KCNMA1: variants seen among roughly 807,000 people sequenced by gnomAD.
The protein encoded by KCNMA1 is potassium calcium-activated channel subfamily M alpha 1, also known as Calcium-activated potassium channel subunit alpha-1.
A neutral mutation model predicts 140.0 loss-of-function variants in KCNMA1; 29 were observed. The ratio of observed to expected loss-of-function variants is 0.21; its 90% CI spans 0.15 to 0.28. The LOEUF (loss-of-function observed/expected upper bound fraction) is 0.28. KCNMA1 is among the 10% of genes least tolerant of loss of function. The probability of loss-of-function intolerance (pLI) is 1.00; values close to 1 mark genes in which losing one functional copy is unlikely to be tolerated. For missense variants in KCNMA1, 880 were observed against 1,602.2 expected (o/e 0.55, Z 7.70); for synonymous variants, 612 against 611.9 (o/e 1.00, Z 0.00).
intron 5 of KCNMA1, among the ~76,000 whole-genome samples, chr10:77,183,173 C>T (rs1243446343): frequency 6.6e-6 from 1 of 152,198 alleles, no homozygotes; most frequent in Non-Finnish European, 1.5e-5. Context: ...CTGGCTGTGA[C>T]AGTGATGACC....
intron 2 of KCNMA1, among the ~76,000 whole-genome samples, chr10:77,291,624 C>T (rs1472493183): frequency 2.6e-5 from 4 of 152,074 alleles, no homozygotes; most frequent in African/African-American, 4.8e-5. Context: ...AGTCGCCTTC[C>T]GTGGAGAATA....
intron 1 of KCNMA1, among the ~76,000 whole-genome samples, chr10:77,584,487 T>C (rs544993357): frequency 1.3e-5 from 2 of 152,258 alleles, no homozygotes; most frequent in South Asian, 4.1e-4. Context: ...CCAGAGTAGC[T>C]GGGACTACAG....
chr10:77,153,010 T>C (rs1280166202), intron 5 of KCNMA1, among the ~76,000 whole-genome samples: 2 of 152,108 alleles, frequency 1.3e-5, no homozygotes, highest in Non-Finnish European at 2.9e-5. Flanking sequence ...TCAGGTAGAA[T>C]ACAGTCTCAA....
intron 21 of KCNMA1, among the ~76,000 whole-genome samples, chr10:76,953,097 G>A (rs1457281033): frequency 1.3e-5 from 2 of 152,164 alleles, no homozygotes; most frequent in East Asian, 3.8e-4. Context: ...CTGCTATGAA[G>A]ATGTTCACAA....
At chr10:77,287,718 C>A (rs2071556798) in intron 2 of KCNMA1, among the ~76,000 whole-genome samples, 1 of 152,142 alleles carries the variant, frequency 6.6e-6, no homozygotes, top group Non-Finnish European at 1.5e-5. Flanking sequence ...AGCACCAAGA[C>A]ACATGTGCAA....
chr10:77,405,388 G>A lies in KCNMA1; in HGVS notation c.379-1365C>T, dbSNP rs528712090. Among the ~76,000 whole-genome samples the A allele has an allele frequency of 3.3e-5, 5 of 152,326 alleles. No individual in the cohort carries two copies. The South Asian group carries it at 1.0e-3, about 32-fold the overall frequency. ...CTGCAGCCTTGGTGCCTAATAGAGT[G>A]TCTGGGACAGAGTTGGCTCAATAAC... On this transcript the variant is annotated intron_variant, in intron 1 of 27. Transcript: ENST00000286628.
chr10:77,316,351 A>T (rs921991423), intron 2 of KCNMA1, among the ~76,000 whole-genome samples: 3 of 152,228 alleles, frequency 2.0e-5, no homozygotes, highest in Non-Finnish European at 4.4e-5. Flanking sequence ...TGACCTTGGA[A>T]ATGTCCTCAG....
chr10:77,567,209 G>A (rs774775016), intron 1 of KCNMA1, among the ~76,000 whole-genome samples: 6 of 152,220 alleles, frequency 3.9e-5, no homozygotes, highest in East Asian at 1.9e-4. Flanking sequence ...TTCCCAAGGC[G>A]GGGGATTAGA....
At chr10:77,096,043 G>A (rs768529957) in intron 9 of KCNMA1, among the ~76,000 whole-genome samples, 52 of 152,234 alleles carry the variant, frequency 3.4e-4, no homozygotes, top group East Asian at 1.9e-4. Context: ...CCCCTCCCAC[G>A]TTCTTAAGTT....
At chr10:77,586,685 C>G (rs2077360381) in intron 1 of KCNMA1, among the ~76,000 whole-genome samples, 2 of 152,072 alleles carry the variant, frequency 1.3e-5, no homozygotes, top group Admixed American at 6.6e-5. Flanking sequence ...TTTTTCCCTC[C>G]ACATAAAACA....
chr10:77,558,899 C>T (rs1659549427), intron 1 of KCNMA1, among the ~76,000 whole-genome samples: 1 of 152,254 alleles, frequency 6.6e-6, no homozygotes, highest in South Asian at 2.1e-4. Flanking sequence ...ATGCCTCTTT[C>T]TAATGAGTCT....
At chr10:77,075,750 A>G (rs984392296) in intron 13 of KCNMA1, among the ~76,000 whole-genome samples, 13 of 152,154 alleles carry the variant, frequency 8.5e-5, no homozygotes, top group African/African-American at 2.7e-4. Flanking sequence ...AGTGAGGGTG[A>G]CCTGCTGAAT....
At chr10:77,326,306 T>C (rs558120146) in intron 2 of KCNMA1, among the ~76,000 whole-genome samples, 1 of 152,322 alleles carries the variant, frequency 6.6e-6, no homozygotes, top group South Asian at 2.1e-4. Context: ...CTACACTGTT[T>C]TGTCTTCTCT....
intron 5 of KCNMA1, among the ~76,000 whole-genome samples, chr10:77,167,987 C>T (rs1407023303): frequency 6.6e-6 from 1 of 152,096 alleles, no homozygotes; most frequent in African/African-American, 2.4e-5. Flanking sequence ...CCAGCTGAGG[C>T]CCTCGCTTTC....
intron 5 of KCNMA1, among the ~76,000 whole-genome samples, chr10:77,175,823 C>G (rs1031857383): frequency 1.9e-4 from 29 of 152,130 alleles, no homozygotes; most frequent in Non-Finnish European, 2.4e-4. Flanking sequence ...GCAGGAAGTA[C>G]AGGGAAAGGG....
At chr10:77,494,100 C>T (rs982636936) in intron 1 of KCNMA1, among the ~76,000 whole-genome samples, 3 of 152,198 alleles carry the variant, frequency 2.0e-5, no homozygotes, top group African/African-American at 7.2e-5. Flanking sequence ...AAGACAATAA[C>T]CGCAACACAG....
At chr10:77,156,875 G>A (rs1013083454) in intron 5 of KCNMA1, among the ~76,000 whole-genome samples, 4 of 152,048 alleles carry the variant, frequency 2.6e-5, no homozygotes, top group South Asian at 2.1e-4. Context: ...TTTTCCATAC[G>A]CTTGTGGTTT....
chr10:77,174,043 A>G (rs1252008365), intron 5 of KCNMA1, among the ~76,000 whole-genome samples: 2 of 152,164 alleles, frequency 1.3e-5, no homozygotes, highest in African/African-American at 4.8e-5. Flanking sequence ...CAAATCCAGC[A>G]AATTGCAGGA....
At chr10:77,578,407 G>A (rs2074893147) in intron 1 of KCNMA1, among the ~76,000 whole-genome samples, 1 of 152,212 alleles carries the variant, frequency 6.6e-6, no homozygotes, top group Non-Finnish European at 1.5e-5. Context: ...TTCTTGGCCG[G>A]AAAATCCCAG....
Sources: gnomAD v4.1 joint callset for allele counts (sites outside exome capture counted in the v4.1 genomes callset) on GRCh38, gnomAD v4.1.1 for gene constraint, MANE v1.5 for transcripts, NCBI Gene and HGNC (gene_info 2026-07-23, HGNC 2026-07-21) for gene names.